Variants in TRMT11 observed in about 807,000 individuals in gnomAD.
The protein encoded by TRMT11 is tRNA methyltransferase 11.
TRMT11 carries 53 observed loss-of-function variants against 62.8 expected under a neutral mutation model. That is an observed-to-expected ratio of 0.84 (90% CI 0.68 to 1.06). The LOEUF is 1.06. TRMT11 is among the 50% of genes least tolerant of loss of function. The pLI, the probability that TRMT11 is intolerant of heterozygous loss-of-function variation, is 0.00. For synonymous variants in TRMT11, 188 were observed against 190.3 expected (o/e 0.99, Z 0.10); for missense variants, 556 against 553.4 (o/e 1.00, Z -0.05).
intron 4 of TRMT11, 29 bp from the exon 5 acceptor site, chr6:125,998,194 C>T (rs75259867): frequency 6.3e-7 from 1 of 1,593,036 alleles, no homozygotes; most frequent in Non-Finnish European, 8.6e-7. Context: ...AATTAAAATA[C>T]TCAAAAAACT....
At chr6:126,268,398 C>A in the TRMT11 span, among the ~76,000 whole-genome samples, 3 of 152,106 alleles carry the variant, frequency 2.0e-5, no homozygotes, top group Admixed American at 6.5e-5. Context: ...GGGAGGTGAA[C>A]TTTTAGCTGT....
At chr6:126,042,642 G>A (rs545294773), downstream of TRMT11, among the ~76,000 whole-genome samples, 12 of 152,272 alleles carry the variant, frequency 7.9e-5, no homozygotes, top group Non-Finnish European at 1.5e-4. Flanking sequence ...TGACCTCTAT[G>A]ACTTTAAAAA....
rs1583881382 is a variant in TRMT11 at position 126,122,394 on chromosome 6, T to C, written c.*1823+6539T>C. On this transcript the variant is annotated intron_variant and NMD_transcript_variant, in intron 21 of 22. Coordinates refer to the TRMT11 transcript ENST00000648977. ...TCCCATTTTTCCTCAAGGCTAGGCA[T>C]AGAAACCAGAATCCTTCCCCAAGGA... 3.9e-5 allele frequency among the ~76,000 whole-genome samples: 6 copies of C among 152,086 alleles called. No homozygotes were observed. In the South Asian group the frequency reaches 1.2e-3, roughly 32 times the overall value.
the TRMT11 span, among the ~76,000 whole-genome samples, chr6:126,236,799 G>T: frequency 2.0e-5 from 3 of 152,150 alleles, no homozygotes; most frequent in Admixed American, 6.5e-5. Flanking sequence ...GAGGGGATAC[G>T]TGTGGTCTCT....
At chr6:126,250,015 G>A in the TRMT11 span, among the ~76,000 whole-genome samples, 1 of 152,174 alleles carries the variant, frequency 6.6e-6, no homozygotes, top group African/African-American at 2.4e-5. Flanking sequence ...AAGTGGAAGG[G>A]AGGGATAGTG....
chr6:126,267,247 G>A, the TRMT11 span, among the ~76,000 whole-genome samples: 1 of 152,166 alleles, frequency 6.6e-6, no homozygotes, highest in Non-Finnish European at 1.5e-5. Context: ...TCATTGTTAA[G>A]TATTAAATGA....
intron 1 of TRMT11, among the ~76,000 whole-genome samples, chr6:125,992,831 C>T (rs751020832): frequency 1.2e-4 from 19 of 152,164 alleles, no homozygotes; most frequent in Admixed American, 1.1e-3. Flanking sequence ...AGTTCTTGGT[C>T]GATCCATCTG....
At chr6:126,170,931 T>C (rs2128235805) in intron 21 of TRMT11, among the ~76,000 whole-genome samples, 1 of 152,208 alleles carries the variant, frequency 6.6e-6, no homozygotes. Flanking sequence ...GCCTTAGAGG[T>C]CCCTCCTCAG....
chr6:126,098,254 T>C (rs1370804335), intron 17 of TRMT11, among the ~76,000 whole-genome samples: 2 of 152,168 alleles, frequency 1.3e-5, no homozygotes, highest in Non-Finnish European at 2.9e-5. Flanking sequence ...GGGCAGGCGC[T>C]GCACAGCTCT....
intron 3 of TRMT11, among the ~76,000 whole-genome samples, chr6:126,201,590 A>C (rs919592034): frequency 6.6e-6 from 1 of 152,180 alleles, no homozygotes; most frequent in African/African-American, 2.4e-5. Flanking sequence ...ATGATATTTC[A>C]CAGAGCCCTC....
chr6:126,218,546 A>T, the TRMT11 span, among the ~76,000 whole-genome samples: 1 of 152,236 alleles, frequency 6.6e-6, no homozygotes, highest in African/African-American at 2.4e-5. Context: ...ATGGGGCCTC[A>T]GGATTCTGCC....
the TRMT11 span, among the ~76,000 whole-genome samples, chr6:126,255,260 G>A: frequency 6.6e-6 from 1 of 152,122 alleles, no homozygotes; most frequent in African/African-American, 2.4e-5. Flanking sequence ...AATCGCTATA[G>A]CTAGAATTGA....
intron 1 of TRMT11, among the ~76,000 whole-genome samples, chr6:126,183,320 C>T (rs577385845): frequency 9.2e-5 from 14 of 152,116 alleles, no homozygotes; most frequent in African/African-American, 3.4e-4. Context: ...AAATAGCACT[C>T]CAAGTTAAAA....
intron 21 of TRMT11, among the ~76,000 whole-genome samples, chr6:126,129,759 C>T (rs150813150): frequency 6.6e-6 from 1 of 152,074 alleles, no homozygotes; most frequent in East Asian, 1.9e-4. Flanking sequence ...TTTAAAGTAG[C>T]ATTATATAAA....
At chr6:126,186,720 A>G (rs1778531967) in intron 1 of TRMT11, among the ~76,000 whole-genome samples, 1 of 152,102 alleles carries the variant, frequency 6.6e-6, no homozygotes, top group Non-Finnish European at 1.5e-5. Flanking sequence ...TGTAATGTTT[A>G]GTCACTTTTT....
chr6:126,178,304 C>T (rs910709074), intron 1 of TRMT11, among the ~76,000 whole-genome samples: 3 of 152,144 alleles, frequency 2.0e-5, no homozygotes, highest in African/African-American at 7.2e-5. Context: ...AGTGCTTGGC[C>T]ATCTTGGCCC....
the TRMT11 span, among the ~76,000 whole-genome samples, chr6:126,244,278 A>T: frequency 9.9e-5 from 15 of 152,100 alleles, no homozygotes; most frequent in Non-Finnish European, 2.2e-4. Context: ...CTTAATATAG[A>T]TGAAGATAGA....
chr6:126,030,620 C>T (rs546907239), intron 12 of TRMT11, among the ~76,000 whole-genome samples: 11 of 152,238 alleles, frequency 7.2e-5, no homozygotes, highest in African/African-American at 2.2e-4. Context: ...TGTATTCAAG[C>T]GTTTGCAATG....
the TRMT11 span, among the ~76,000 whole-genome samples, chr6:126,221,742 TC>T: frequency 6.6e-6 from 1 of 152,302 alleles, no homozygotes; most frequent in Admixed American, 6.5e-5. Flanking sequence ...TGTATATAGT[TC>T]CTTTTGCTGC....
Sources: allele counts gnomAD v4.1 joint callset (sites outside exome capture counted in the v4.1 genomes callset), GRCh38; gene constraint gnomAD v4.1.1; transcripts MANE v1.5; gene names NCBI Gene and HGNC (gene_info 2026-07-23, HGNC 2026-07-21).